The following ANKAR variants were observed in gnomAD, a reference collection of about 807,000 sequenced individuals.
The protein encoded by ANKAR is ankyrin and armadillo repeat containing.
Under a neutral mutation model 146.2 loss-of-function variants are expected in ANKAR, and 136 were observed. The observed-to-expected ratio is 0.93, with a 90% CI of 0.81 to 1.07. The LOEUF is 1.07. Among genes scored for constraint, ANKAR ranks in the 50% least tolerant of loss-of-function variants. The pLI is 0.00. For missense variants in ANKAR, 1,567 were observed against 1,679.9 expected, an observed-to-expected ratio of 0.93 and a Z score of 1.18; for synonymous variants, 500 against 575.8, an observed-to-expected ratio of 0.87 and a Z score of 1.88.
intron 18 of ANKAR, among the ~76,000 whole-genome samples, chr2:189,758,534 T>C (rs2046440572): frequency 6.6e-6 from 1 of 152,242 alleles, no homozygotes; most frequent in Non-Finnish European, 1.5e-5. Context: ...CTACACAGCC[T>C]GTGGAAACAC....
rs2036089288 is a variant in ANKAR, at chr2:189,689,395, A to G, written c.602-132A>G. ...GCTTAGAATTATATATTTGGTTTAC[A>G]GCATCTAATTTTTCCTTTACTGTCG... On this transcript the variant is annotated intron_variant, in intron 2 of 22. Transcript: ENST00000684021. 5 of 758,088 alleles carry G rather than the reference A, an allele frequency of 6.6e-6. No individual in the cohort carries two copies. In the Admixed American group the frequency reaches 9.2e-5, roughly 14 times the overall value. 47.0% of individuals were successfully genotyped at this position (758,088 alleles called of 1,614,324 possible).
At chr2:189,685,145 A>G (rs1460777819) in intron 2 of ANKAR, among the ~76,000 whole-genome samples, 2 of 152,034 alleles carry the variant, frequency 1.3e-5, no homozygotes, top group African/African-American at 4.8e-5. Flanking sequence ...AACTGGGACT[A>G]CAGGAACTTG....
At chr2:189,752,181 TG>T (rs1306885282) in intron 18 of ANKAR, among the ~76,000 whole-genome samples, 4 of 151,956 alleles carry the variant, frequency 2.6e-5, no homozygotes, top group African/African-American at 9.7e-5. Context: ...TGCTATTCAC[TG>T]GAACTTTGAT....
chr2:189,715,333 A>G (rs2040302906), intron 10 of ANKAR, among the ~76,000 whole-genome samples: 1 of 152,202 alleles, frequency 6.6e-6, no homozygotes, highest in African/African-American at 2.4e-5. Flanking sequence ...AAACCAGAAA[A>G]TCTAGAAGAA....
chr2:189,742,222 A>C, intron 20 of ANKAR, among the ~76,000 whole-genome samples: 1 of 152,190 alleles, frequency 6.6e-6, no homozygotes, highest in Non-Finnish European at 1.5e-5. Flanking sequence ...GGTGGGCCCT[A>C]GAATTTGCAT....
chr2:189,746,217 C>A (rs1229165936), intron 22 of ANKAR, among the ~76,000 whole-genome samples, 163 bp from the exon 23 acceptor site: 3 of 152,122 alleles, frequency 2.0e-5, no homozygotes, highest in African/African-American at 7.2e-5. Context: ...ATATAGTGGT[C>A]CCCACAAATT....
chr2:189,693,399 A>G (rs2036717785), intron 5 of ANKAR, among the ~76,000 whole-genome samples: 1 of 152,170 alleles, frequency 6.6e-6, no homozygotes, highest in African/African-American at 2.4e-5. Flanking sequence ...AGAGCTTGTA[A>G]TTAGTTCTTA....
At chr2:189,703,696 A>G (rs2105638833) in intron 7 of ANKAR, among the ~76,000 whole-genome samples, 1 of 152,350 alleles carries the variant, frequency 6.6e-6, no homozygotes, top group South Asian at 2.1e-4. Flanking sequence ...CTTAAAGTTC[A>G]TTTGGATATT....
intron 18 of ANKAR, among the ~76,000 whole-genome samples, chr2:189,755,836 A>T (rs2045989018): frequency 6.6e-6 from 1 of 152,210 alleles, no homozygotes; most frequent in African/African-American, 2.4e-5. Flanking sequence ...CTTGTAAAGC[A>T]TTCCATACAA....
chr2:189,754,052 C>T (rs2045690715), intron 18 of ANKAR: 2 of 1,613,064 alleles, frequency 1.2e-6, no homozygotes, highest in Non-Finnish European at 1.7e-6. Flanking sequence ...CAGGATTTGC[C>T]CCTTCTCAAT....
chr2:189,745,503 T>C (rs1238716614), intron 22 of ANKAR, among the ~76,000 whole-genome samples: 1 of 152,214 alleles, frequency 6.6e-6, no homozygotes, highest in Non-Finnish European at 1.5e-5. Context: ...GTTTTGTACA[T>C]AGTTGGTACA....
intron 15 of ANKAR, 52 bp downstream of exon 15, chr2:189,728,873 T>C (rs2042133831): frequency 6.5e-7 from 1 of 1,549,296 alleles, no homozygotes; most frequent in African/African-American, 1.4e-5. Flanking sequence ...CAAGAACAGA[T>C]TGCGCAGAGA....
chr2:189,718,931 A>G (rs981682905), intron 10 of ANKAR, among the ~76,000 whole-genome samples: 1 of 151,292 alleles, frequency 6.6e-6, no homozygotes, highest in Admixed American at 6.6e-5. Flanking sequence ...TTGTATTTTT[A>G]GTAGAGACGG....
At chr2:189,706,903 A>G (rs765777607) in intron 8 of ANKAR, 35 bp from the exon 9 acceptor site, 9 of 1,539,660 alleles carry the variant, frequency 5.8e-6, no homozygotes, top group Non-Finnish European at 6.2e-6. Flanking sequence ...TTGACACTCT[A>G]TGCGTGTTTA....
At chr2:189,695,664 T>G (rs2037093630) in intron 6 of ANKAR, among the ~76,000 whole-genome samples, 1 of 152,214 alleles carries the variant, frequency 6.6e-6, no homozygotes, top group South Asian at 2.1e-4. Flanking sequence ...GCTCACCAGC[T>G]TCAAAGGTTA....
chr2:189,697,855 C>T (rs2037450732), intron 7 of ANKAR, among the ~76,000 whole-genome samples: 1 of 149,630 alleles, frequency 6.7e-6, no homozygotes, highest in South Asian at 2.1e-4. Flanking sequence ...TTTTAAGCAG[C>T]CATTTGGGGG....
chr2:189,741,485 A>T (rs1416998460), intron 20 of ANKAR, 34 bp downstream of exon 20: 2 of 1,492,682 alleles, frequency 1.3e-6, no homozygotes, highest in Non-Finnish European at 1.8e-6. Context: ...CTAAAATTAA[A>T]TATGCTAAAA....
At position 189,688,421 on chromosome 2, in the gene ANKAR, A is replaced by G. The variant is rs148725572; in HGVS notation, c.602-1106A>G. The stretch of plus-strand genomic sequence containing the variant: ...TCCTCCAGTTTTGTTCTTTTTGCTC[A>G]GGATGACTGGCTATTCTGGATCTTT... On this transcript the variant is annotated intron_variant, in intron 2 of 22. Coordinates refer to ENST00000684021, the MANE Select transcript of ANKAR (RefSeq NM_001378068.1). 5.0e-3 allele frequency among the ~76,000 whole-genome samples: 760 copies of G among 152,336 alleles called. 8 individuals are homozygous for G. Among genetic ancestry groups the G allele is most frequent in the African/African-American group, 0.017 (714 of 41,586 alleles).
intron 2 of ANKAR, among the ~76,000 whole-genome samples, chr2:189,687,732 G>A (rs372731624): frequency 2.0e-5 from 3 of 152,062 alleles, no homozygotes; most frequent in African/African-American, 4.8e-5. Flanking sequence ...ACACCTTTTC[G>A]TATGCCTGTT....
Sources: gnomAD v4.1 joint callset for allele counts (sites outside exome capture counted in the v4.1 genomes callset) on GRCh38, gnomAD v4.1.1 for gene constraint, MANE v1.5 for transcripts, NCBI Gene and HGNC (gene_info 2026-07-23, HGNC 2026-07-21) for gene names.